LCLAT1: variants seen among roughly 807,000 people sequenced by gnomAD.
LCLAT1 encodes 1-AGP acyltransferase 8.
Under a neutral mutation model 30.7 loss-of-function variants are expected in LCLAT1, and 11 were observed. The observed-to-expected ratio is 0.36, with a 90% CI of 0.23 to 0.59. The LOEUF (loss-of-function observed/expected upper bound fraction) is 0.59. LCLAT1 is among the 20% of genes least tolerant of loss of function. The pLI, the probability that LCLAT1 is intolerant of heterozygous loss-of-function variation, is 0.77. For synonymous variants in LCLAT1, 155 were observed against 151.3 expected (o/e 1.02, Z -0.18); for missense variants, 402 against 458.6 (o/e 0.88, Z 1.13).
intron 2 of LCLAT1, among the ~76,000 whole-genome samples, chr2:30,528,181 G>A (rs1455125407): frequency 6.6e-6 from 1 of 152,180 alleles, no homozygotes; most frequent in African/African-American, 2.4e-5. Flanking sequence ...TACTCTATTG[G>A]TAAGAGCAGC....
At chr2:30,621,864 C>G (rs895245337) in intron 5 of LCLAT1, among the ~76,000 whole-genome samples, 10 of 152,138 alleles carry the variant, frequency 6.6e-5, no homozygotes, top group African/African-American at 2.2e-4. Flanking sequence ...TCCAGCTGAA[C>G]TTTGTAACAA....
intron 1 of LCLAT1, among the ~76,000 whole-genome samples, chr2:30,449,501 C>CT (rs1200587860): frequency 0.016 from 2,168 of 136,890 alleles, 19 homozygotes; most frequent in African/African-American, 0.03. Context: ...TGACTAATTT[C>CT]TTTTTTTTTT....
intron 3 of LCLAT1, among the ~76,000 whole-genome samples, chr2:30,539,556 C>A (rs938805761): frequency 1.4e-4 from 22 of 152,046 alleles, no homozygotes; most frequent in Admixed American, 3.9e-4. Flanking sequence ...TATTTAAGAA[C>A]ATGTGTTATA....
At position 30,453,314 on chromosome 2, in the gene LCLAT1, T is replaced by A. The variant is rs1054102706; in HGVS notation, c.-5+5931T>A. 4.6e-5 allele frequency among the ~76,000 whole-genome samples: 7 copies of A among 152,178 alleles called. No individual in the cohort carries two copies. The South Asian group carries it at 1.5e-3, about 32-fold the overall frequency. ...TTCTTCCAGCTCTTCCAGCTCCATGTGACTGGGAGTGTGGACTGAGGGGAT... is the reference window on the plus strand; with the variant it reads ...TTCTTCCAGCTCTTCCAGCTCCATGAGACTGGGAGTGTGGACTGAGGGGAT... On this transcript the variant is annotated intron_variant, in intron 1 of 5. Coordinates refer to ENST00000379509, the MANE Select transcript of LCLAT1 (RefSeq NM_001002257.3).
At chr2:30,617,325 G>A (rs1640825913) in intron 5 of LCLAT1, among the ~76,000 whole-genome samples, 1 of 152,092 alleles carries the variant, frequency 6.6e-6, no homozygotes, top group Admixed American at 6.5e-5. Flanking sequence ...TTAGAATAAT[G>A]CTGTTAAGTT....
intron 1 of LCLAT1, among the ~76,000 whole-genome samples, chr2:30,451,336 A>G (rs1681539467): frequency 6.6e-6 from 1 of 152,202 alleles, no homozygotes; most frequent in African/African-American, 2.4e-5. Flanking sequence ...GTCAAATGGT[A>G]CAGTCACTTT....
In LCLAT1 at chr2:30,628,446, T is replaced by C. The variant is rs544739406; in HGVS notation, c.629-11671T>C. Reference sequence around the variant, plus strand: ...GAATTGAATTAAATGCTCTTCAAGTTTGTATTGCAAAACAGTTGTTCCAGG... The same window carrying C: ...GAATTGAATTAAATGCTCTTCAAGTCTGTATTGCAAAACAGTTGTTCCAGG... On this transcript the variant is annotated intron_variant, in intron 5 of 5. Transcript: ENST00000379509. Among the ~76,000 whole-genome samples the C allele has an allele frequency of 3.9e-4, 60 of 152,308 alleles. No individual in the cohort carries two copies. In the South Asian group the frequency reaches 7.9e-3, roughly 20 times the overall value.
chr2:30,472,922 A>G (rs1682868648), intron 1 of LCLAT1, among the ~76,000 whole-genome samples: 1 of 152,192 alleles, frequency 6.6e-6, no homozygotes, highest in Non-Finnish European at 1.5e-5. Context: ...TGAGGAAGAA[A>G]AAAGATTGGC....
At chr2:30,609,713 C>A (rs1459454270) in intron 5 of LCLAT1, among the ~76,000 whole-genome samples, 4 of 152,136 alleles carry the variant, frequency 2.6e-5, no homozygotes, top group Non-Finnish European at 5.9e-5. Context: ...CTCCTTTGAA[C>A]TCATAGTGTT....
intron 2 of LCLAT1, among the ~76,000 whole-genome samples, chr2:30,531,259 C>G (rs141739820): frequency 3.2e-4 from 48 of 152,038 alleles, no homozygotes; most frequent in African/African-American, 1.2e-3. Context: ...AGTGAGACTC[C>G]GTCTCAAAAG....
At chr2:30,630,286 A>C (rs1668708346) in intron 5 of LCLAT1, among the ~76,000 whole-genome samples, 1 of 152,160 alleles carries the variant, frequency 6.6e-6, no homozygotes, top group Non-Finnish European at 1.5e-5. Flanking sequence ...CTTATCTCCA[A>C]GTATAGTCAC....
rs554633574 is a variant in LCLAT1 at position 30,447,269 on chromosome 2, C to T, written c.-119C>T. 2.0e-5 allele frequency: 3 copies of T among 152,088 alleles called. No homozygotes were observed. The South Asian group carries it at 6.2e-4, about 32-fold the overall frequency. The allele number at this position is 152,088 out of a possible 1,614,324, so 9.4% of individuals were successfully genotyped here. A position where few individuals can be genotyped will look rare whatever the true frequency, so the allele number is the denominator to read the frequency against. On this transcript the variant is annotated 5_prime_UTR_variant, in exon 1 of 6. Coordinates refer to ENST00000379509, the MANE Select transcript of LCLAT1 (RefSeq NM_001002257.3). Reference sequence around the variant, plus strand: ...TTACTAGGGCGACGGCCGGACGCCTCCGCGTTACGGGATGAATTAACGGCG... The same window carrying T: ...TTACTAGGGCGACGGCCGGACGCCTTCGCGTTACGGGATGAATTAACGGCG...
At chr2:30,484,550 T>C (rs1447332059) in intron 1 of LCLAT1, among the ~76,000 whole-genome samples, 2 of 152,172 alleles carry the variant, frequency 1.3e-5, no homozygotes, top group Non-Finnish European at 2.9e-5. Flanking sequence ...AATTTTAAGA[T>C]AATAGCACTA....
At chr2:30,523,048 C>T (rs1685549942) in intron 1 of LCLAT1, among the ~76,000 whole-genome samples, 1 of 151,652 alleles carries the variant, frequency 6.6e-6, no homozygotes. Context: ...ATAAGGGAAG[C>T]ATTATATATG....
intron 3 of LCLAT1, among the ~76,000 whole-genome samples, chr2:30,551,533 T>C (rs532326167): frequency 4.1e-4 from 62 of 152,354 alleles, no homozygotes; most frequent in African/African-American, 1.5e-3. Flanking sequence ...GTATGAGTTT[T>C]CCATTGCAGC....
intron 3 of LCLAT1, among the ~76,000 whole-genome samples, chr2:30,539,958 T>G (rs1320712542): frequency 6.6e-6 from 1 of 152,190 alleles, no homozygotes. Flanking sequence ...TCTGTTTAGT[T>G]CTAGAGTCAA....
At chr2:30,510,368 A>C (rs1684882127) in intron 1 of LCLAT1, among the ~76,000 whole-genome samples, 2 of 152,198 alleles carry the variant, frequency 1.3e-5, no homozygotes, top group South Asian at 4.1e-4. Context: ...ACGGGTTGGA[A>C]ATAATTTTCT....
intron 1 of LCLAT1, chr2:30,459,690 G>GA: frequency 6.2e-7 from 1 of 1,613,956 alleles, no homozygotes. Flanking sequence ...GCTACTGCAC[G>GA]TACTTCATAA....
chr2:30,528,257 T>G (rs1315668746), intron 2 of LCLAT1, among the ~76,000 whole-genome samples: 1 of 152,218 alleles, frequency 6.6e-6, no homozygotes, highest in African/African-American at 2.4e-5. Flanking sequence ...CAGTTAAAAT[T>G]CTTAATCTGG....
Sources: gnomAD v4.1 joint callset for allele counts (sites outside exome capture counted in the v4.1 genomes callset) on GRCh38, gnomAD v4.1.1 for gene constraint, MANE v1.5 for transcripts, NCBI Gene and HGNC (gene_info 2026-07-23, HGNC 2026-07-21) for gene names.